DOCK11: variants seen among roughly 807,000 people sequenced by gnomAD.
DOCK11 encodes the protein dedicator of cytokinesis 11, also known as dedicator of cytokinesis protein 11.
A neutral mutation model predicts 169.1 loss-of-function variants in DOCK11; 70 were observed. The observed-to-expected ratio is 0.41, with a 90% CI of 0.34 to 0.51. DOCK11 has a LOEUF of 0.51. Ranked by LOEUF, DOCK11 falls within the 20% of genes least tolerant of loss-of-function variation. DOCK11 has a pLI of 0.10. For missense variants in DOCK11, 1,166 were observed against 1,538.8 expected (o/e 0.76, Z 4.05); for synonymous variants, 529 against 541.3 (o/e 0.98, Z 0.32).
At chrX:118,511,628 G>T (rs769717744) in intron 1 of DOCK11, among the ~76,000 whole-genome samples, 1 of 111,661 alleles carries the variant, frequency 9.0e-6, no homozygotes, top group South Asian at 3.7e-4. Flanking sequence ...CTTCACCGAG[G>T]CTTCTGGGTA....
In DOCK11 at chrX:118,665,983, C is replaced by T. The variant is rs141608937; in HGVS notation, c.5076+3191C>T. Among the ~76,000 whole-genome samples, 323 of 111,608 alleles carry T rather than the reference C, an allele frequency of 2.9e-3. 2 individuals are homozygous for T. The highest frequency in any genetic ancestry group is 9.2e-3 in the Middle Eastern group (2 of 217). On this transcript the variant is annotated intron_variant, in intron 45 of 52. Coordinates refer to ENST00000276202, the MANE Select transcript of DOCK11 (RefSeq NM_144658.4). ...ATAATTAATATATAATTGGGCTGGG[C>T]GTGGTGGCTCACACCTGTAATTCCA...
Position 118,611,777 on chromosome X carries a change from CAG to C in DOCK11, c.3096+1362_3096+1363del, listed in dbSNP as rs1167940417. 2.7e-5 allele frequency among the ~76,000 whole-genome samples: 3 copies of C among 110,748 alleles called. No homozygotes were observed. In the Admixed American group the frequency reaches 2.9e-4, roughly 11 times the overall value. On this transcript the variant is annotated intron_variant, in intron 28 of 52. Coordinates refer to ENST00000276202, the MANE Select transcript of DOCK11 (RefSeq NM_144658.4). Reference sequence around the variant, plus strand: ...TCTTTCATTTTTTTTTAATTTGAGACAGAGTCTCGCTCTGTCACCCAGGCTGG... The same window carrying C: ...TCTTTCATTTTTTTTTAATTTGAGACAGTCTCGCTCTGTCACCCAGGCTGG...
At chrX:118,664,296 T>A (rs1424128137) in intron 45 of DOCK11, among the ~76,000 whole-genome samples, 1 of 110,953 alleles carries the variant, frequency 9.0e-6, no homozygotes, top group African/African-American at 3.3e-5. Flanking sequence ...TGAATTTCAT[T>A]TTATAGGTGA....
At chrX:118,545,299 A>G (rs778959673) in intron 4 of DOCK11, 24 bp from the exon 5 acceptor site, 1 of 1,139,130 alleles carries the variant, frequency 8.8e-7, no homozygotes, top group Non-Finnish European at 1.2e-6. Context: ...TTTAGTGTCT[A>G]AGACAGTTCT....
At chrX:118,647,549 GTTA>G (rs1224976150) in intron 40 of DOCK11, among the ~76,000 whole-genome samples, 16 of 63,526 alleles carry the variant, frequency 2.5e-4, no homozygotes, top group South Asian at 6.9e-4. Flanking sequence ...TATTATATAT[GTTA>G]TTATATATTA....
rs778576981 is a variant in DOCK11, at chrX:118,573,992, GA to G, written c.1365del (p.Glu455AspfsTer14). On this transcript the variant is annotated frameshift_variant, in exon 12 of 53. Transcript: ENST00000276202. LOFTEE classifies it high-confidence loss of function. The part of the protein sequence containing the change: ...SPESYIHGIA[E>X]SQLRYIQQGI... ...CGAATCTTACATTCATGGAATTGCCGAATCTCAGTTACGCTACATACAACAG... is the reference window on the plus strand; with the variant it reads ...CGAATCTTACATTCATGGAATTGCCGATCTCAGTTACGCTACATACAACAG... 2 of 1,209,974 alleles carry G rather than the reference GA, an allele frequency of 1.7e-6. No homozygotes were observed. The highest frequency in any genetic ancestry group is 2.2e-6 in the Non-Finnish European group (2 of 895,127).
At chrX:118,568,363 G>T in intron 10 of DOCK11, among the ~76,000 whole-genome samples, 1 of 78,051 alleles carries the variant, frequency 1.3e-5, no homozygotes, top group African/African-American at 4.7e-5. Flanking sequence ...GATAATTTGG[G>T]GCTGAATTAT....
chrX:118,643,932 G>A (rs1053865383), intron 40 of DOCK11, among the ~76,000 whole-genome samples: 1 of 111,564 alleles, frequency 9.0e-6, no homozygotes, highest in Non-Finnish European at 1.9e-5. Flanking sequence ...AGCCATGAGT[G>A]CACTCATGTC....
chrX:118,594,828 G>A (rs1313264719), intron 20 of DOCK11, among the ~76,000 whole-genome samples: 2 of 111,029 alleles, frequency 1.8e-5, no homozygotes, highest in Non-Finnish European at 3.8e-5. Context: ...GGCCTTAAAG[G>A]GTTGGGTGGG....
chrX:118,619,756 C>T, intron 31 of DOCK11, among the ~76,000 whole-genome samples: 1 of 109,288 alleles, frequency 9.2e-6, no homozygotes, highest in East Asian at 2.8e-4. Flanking sequence ...ACATACGTTA[C>T]ACTGTTGTCT....
At chrX:118,557,646 C>A (rs1213443597) in intron 6 of DOCK11, among the ~76,000 whole-genome samples, 2 of 105,526 alleles carry the variant, frequency 1.9e-5, no homozygotes, top group East Asian at 6.0e-4. Flanking sequence ...CGCCCGTAGT[C>A]CCAGCTACTC....
rs761560462 is a variant in DOCK11 at position 118,671,003 on chromosome X, G to A, written c.5077-20G>A. The A allele has an allele frequency of 6.1e-6, 7 of 1,155,594 alleles. No individual in the cohort carries two copies. The East Asian group carries it at 2.1e-4, about 35-fold the overall frequency. ...CTAAAACTATTTTTAATTCCTAATT[G>A]GATTTTTCTCTTAATGCAGGAGGTC... is the stretch of plus-strand genomic sequence containing the variant. On this transcript the variant is annotated intron_variant, in intron 45 of 52. Coordinates refer to ENST00000276202, the MANE Select transcript of DOCK11 (RefSeq NM_144658.4).
At chrX:118,515,190 A>G (rs1231763028) in intron 1 of DOCK11, among the ~76,000 whole-genome samples, 1 of 111,866 alleles carries the variant, frequency 8.9e-6, no homozygotes, top group Non-Finnish European at 1.9e-5. Context: ...GTCCACCCCA[A>G]TAATCCGGAT....
intron 38 of DOCK11, among the ~76,000 whole-genome samples, chrX:118,640,377 A>G (rs1260151836): frequency 8.9e-6 from 1 of 112,520 alleles, no homozygotes; most frequent in East Asian, 2.8e-4. Context: ...CTGAACTAAT[A>G]GACTCAGGAC....
chrX:118,597,356 C>A (rs1016309051), intron 20 of DOCK11, 75 bp from the exon 21 acceptor site: 1 of 1,183,417 alleles, frequency 8.5e-7, no homozygotes, highest in Admixed American at 2.2e-5. Context: ...CTGCCCTGCC[C>A]CCTAGCAGTC....
intron 47 of DOCK11, 46 bp downstream of exon 47, chrX:118,676,095 C>T: frequency 1.2e-6 from 1 of 849,213 alleles, no homozygotes; most frequent in Admixed American, 2.8e-5. Context: ...AAACATTCAC[C>T]TTTGAATTAC....
Position 118,549,106 on chromosome X carries a change from C to CTGTGTGTGTGTGTGTATGTGTG in DOCK11, c.558+3005_558+3006insATGTGTGTGTGTGTGTGTGTGT, listed in dbSNP as rs755842631. ...CTTTTTATCCTCAGCTGCTCATATT[C>CTGTGTGTGTGTGTGTATGTGTG]TGTGTGTGTGTGTGTGTGTGTGTGA... is the stretch of plus-strand genomic sequence containing the variant. On this transcript the variant is annotated intron_variant, in intron 6 of 52. Coordinates refer to ENST00000276202, the MANE Select transcript of DOCK11 (RefSeq NM_144658.4). Among the ~76,000 whole-genome samples the CTGTGTGTGTGTGTGTATGTGTG allele has an allele frequency of 4.1e-3, 408 of 99,112 alleles. 7 individuals are homozygous for CTGTGTGTGTGTGTGTATGTGTG. Among genetic ancestry groups the CTGTGTGTGTGTGTGTATGTGTG allele is most frequent in the African/African-American group, 0.014 (366 of 25,679 alleles). The allele number at this position is 99,112 out of a possible 115,157, so 86.1% of individuals were successfully genotyped here.
intron 46 of DOCK11, among the ~76,000 whole-genome samples, chrX:118,675,714 T>G (rs190691606): frequency 1.9e-3 from 206 of 110,375 alleles, no homozygotes; most frequent in African/African-American, 6.4e-3. Context: ...AAGAAATTTC[T>G]TTTAAAAAGA....
chrX:118,598,359 C>G (rs1184003505), intron 22 of DOCK11, among the ~76,000 whole-genome samples: 2 of 107,314 alleles, frequency 1.9e-5, no homozygotes, highest in African/African-American at 6.8e-5. Context: ...CGCCACTGCA[C>G]TCTTGCCTGG....
Sources: allele counts gnomAD v4.1 joint callset (sites outside exome capture counted in the v4.1 genomes callset), GRCh38; gene constraint gnomAD v4.1.1; transcripts MANE v1.5; gene names NCBI Gene and HGNC (gene_info 2026-07-23, HGNC 2026-07-21).